MTMR12: variants seen among roughly 807,000 people sequenced by gnomAD.
The protein encoded by MTMR12 is myotubularin-related protein 12.
A neutral mutation model predicts 96.7 loss-of-function variants in MTMR12; 33 were observed. The ratio of observed to expected loss-of-function variants is 0.34; its 90% confidence interval spans 0.26 to 0.46. The LOEUF (loss-of-function observed/expected upper bound fraction) is 0.46. Ranked by LOEUF, MTMR12 falls within the 20% of genes least tolerant of loss-of-function variation. The pLI, the probability that MTMR12 is intolerant of heterozygous loss-of-function variation, is 1.00. For synonymous variants in MTMR12, 298 were observed against 327.2 expected, an observed-to-expected ratio of 0.91 and a Z score of 0.96; for missense variants, 721 against 896.1, an observed-to-expected ratio of 0.80 and a Z score of 2.49.
chr5:32,271,464 G>A (rs909529718), intron 4 of MTMR12, among the ~76,000 whole-genome samples: 4 of 152,192 alleles, frequency 2.6e-5, no homozygotes, highest in Non-Finnish European at 5.9e-5. Context: ...CTTGGCAGGA[G>A]AGGCTTGTTT....
intron 15 of MTMR12, among the ~76,000 whole-genome samples, chr5:32,231,956 G>A (rs1156281730): frequency 1.3e-5 from 2 of 152,230 alleles, no homozygotes; most frequent in South Asian, 2.1e-4. Flanking sequence ...GCAATCTGCC[G>A]AAGGCACTGC....
At chr5:32,255,058 T>A (rs1000595063) in intron 8 of MTMR12, among the ~76,000 whole-genome samples, 1 of 152,176 alleles carries the variant, frequency 6.6e-6, no homozygotes, top group Admixed American at 6.5e-5. Flanking sequence ...TCTGGGCACG[T>A]GACCCTGCTT....
At chr5:32,237,121 G>A (rs2111988974) in intron 13 of MTMR12, among the ~76,000 whole-genome samples, 1 of 152,346 alleles carries the variant, frequency 6.6e-6, no homozygotes. Context: ...GGCTCTGTGT[G>A]CCCACAGCAT....
chr5:32,248,792 G>A lies in MTMR12; in HGVS notation c.876C>T (p.Ile292=). 1 of 1,614,038 alleles carries A rather than the reference G, an allele frequency of 6.2e-7. No homozygotes were observed. Among genetic ancestry groups the A allele is most frequent in the Non-Finnish European group, 8.5e-7 (1 of 1,179,940 alleles). ...PKEQDDGILQ[I]QKSFLDGIYK... Reference sequence around the variant, plus strand: ...CTGACCCATCTAAGAAGCTCTTTTGGATTTGTAAAATGCCGTCATCCTGTT... The same window carrying A: ...CTGACCCATCTAAGAAGCTCTTTTGAATTTGTAAAATGCCGTCATCCTGTT... The change falls in exon 9 of 16, where the codon ATC becomes ATT. Residue 292 remains isoleucine (I), a synonymous_variant. Coordinates refer to ENST00000382142, the MANE Select transcript of MTMR12 (RefSeq NM_001040446.3).
chr5:32,228,580 CATATATATGTGATATAT>C lies in MTMR12; in HGVS notation c.*1181_*1197del, dbSNP rs1747845674. 9.0e-6 allele frequency: 1 copy of C among 111,662 alleles called. No homozygotes were observed. Among genetic ancestry groups the C allele is most frequent in the East Asian group, 2.5e-4 (1 of 4,034 alleles). 6.9% of individuals were successfully genotyped at this position (111,662 alleles called of 1,614,324 possible). The stretch of plus-strand genomic sequence containing the variant: ...TGATATATATATATCATATATATAT[CATATATATGTGATATAT>C]ATATATATATCATATATATGATATA... On this transcript the variant is annotated 3_prime_UTR_variant, in exon 16 of 16. Coordinates refer to ENST00000382142, the MANE Select transcript of MTMR12 (RefSeq NM_001040446.3).
At chr5:32,266,289 C>T (rs904037235) in intron 6 of MTMR12, among the ~76,000 whole-genome samples, 2 of 152,144 alleles carry the variant, frequency 1.3e-5, no homozygotes, top group African/African-American at 4.8e-5. Flanking sequence ...CCACAGAACC[C>T]GGCTTACAGC....
intron 1 of MTMR12, among the ~76,000 whole-genome samples, chr5:32,290,498 T>A (rs962258993): frequency 1.3e-5 from 2 of 152,242 alleles, no homozygotes; most frequent in Non-Finnish European, 2.9e-5. Context: ...AGTTGCTACA[T>A]TTGGCCCCTC....
intron 1 of MTMR12, among the ~76,000 whole-genome samples, chr5:32,310,288 G>A (rs150970424): frequency 6.6e-6 from 1 of 152,276 alleles, no homozygotes; most frequent in East Asian, 1.9e-4. Flanking sequence ...AAGCGACAAA[G>A]CAAGATCCTG....
intron 1 of MTMR12, among the ~76,000 whole-genome samples, chr5:32,297,174 T>C (rs1750963051): frequency 6.6e-6 from 1 of 151,542 alleles, no homozygotes; most frequent in South Asian, 2.1e-4. Flanking sequence ...TGTTTAACAA[T>C]ATAAAGTGTT....
intron 5 of MTMR12, among the ~76,000 whole-genome samples, chr5:32,269,666 T>C (rs970588078): frequency 3.3e-5 from 5 of 152,166 alleles, no homozygotes; most frequent in African/African-American, 1.2e-4. Context: ...CATAGTCTAA[T>C]TTCTCAAAAG....
Position 32,229,656 on chromosome 5 carries a change from GT to G in MTMR12, c.*121del. The G allele has an allele frequency of 1.1e-6, 1 of 909,544 alleles. No homozygotes were observed. The highest frequency in any genetic ancestry group is 2.9e-5 in the East Asian group (1 of 34,508). 56.3% of individuals were successfully genotyped at this position (909,544 alleles called of 1,614,324 possible). A position where few individuals can be genotyped will look rare whatever the true frequency, so the allele number is the denominator to read the frequency against. On this transcript the variant is annotated 3_prime_UTR_variant, in exon 16 of 16. Coordinates refer to ENST00000382142, the MANE Select transcript of MTMR12 (RefSeq NM_001040446.3). ...GCCACCTCTTTTCCCGAAGGCCCAG[GT>G]TTATTCTAACGGAGTGCCGGGCTAA...
chr5:32,233,686 T>C lies in MTMR12; in HGVS notation c.1674+87A>G. On this transcript the variant is annotated intron_variant, in intron 15 of 15. Transcript: ENST00000382142. The surrounding 1 kb of genome is among the most constrained non-coding windows in gnomAD (Gnocchi z 5.0). ...GACTGCTTCGAGGGGTAGAAAATGC[T>C]GGCAGACAGAATCCGTAAGTACCTT... 1 of 1,568,754 alleles carries C rather than the reference T, an allele frequency of 6.4e-7. No individual in the cohort carries two copies. The highest frequency in any genetic ancestry group is 8.7e-7 in the Non-Finnish European group (1 of 1,147,214).
chr5:32,305,334 AC>A (rs1184027801), intron 1 of MTMR12, among the ~76,000 whole-genome samples: 2 of 152,014 alleles, frequency 1.3e-5, no homozygotes, highest in East Asian at 3.9e-4. Context: ...TGATCCACCC[AC>A]CTCGGCCTCC....
At chr5:32,238,208 A>C (rs1406190442) in intron 13 of MTMR12, among the ~76,000 whole-genome samples, 1 of 151,330 alleles carries the variant, frequency 6.6e-6, no homozygotes, top group Non-Finnish European at 1.5e-5. Flanking sequence ...TCCAAAATCT[A>C]AAACTTTATT....
At chr5:32,266,682 G>A (rs1337298151) in intron 6 of MTMR12, among the ~76,000 whole-genome samples, 5 of 146,162 alleles carry the variant, frequency 3.4e-5, no homozygotes, top group Admixed American at 6.8e-5. Context: ...TGTGAGAGTC[G>A]TCTCAAAAAA....
At chr5:32,305,899 G>A (rs547922010) in intron 1 of MTMR12, among the ~76,000 whole-genome samples, 7 of 146,608 alleles carry the variant, frequency 4.8e-5, no homozygotes, top group East Asian at 4.0e-4. Flanking sequence ...GTGAAACTCC[G>A]TCTCAAAAAA....
rs1026921231 is a variant in MTMR12, at chr5:32,229,885, G to A, written c.2137C>T (p.Arg713Ter). Residue 713 changes from arginine (R) to a stop codon, truncating the protein, a stop_gained, in exon 16 of 16, where the codon CGA (arginine) becomes TGA (stop). Transcript: ENST00000382142. LOFTEE classifies it high-confidence loss of function. Reference sequence around the variant, plus strand: ...GGTAAGACGGGCTTAGAGGAATGTCGCTGGAGCAGAGCGAAAGGAAACAAA... The same window carrying A: ...GGTAAGACGGGCTTAGAGGAATGTCACTGGAGCAGAGCGAAAGGAAACAAA... The part of the protein sequence containing the change: ...SSLFPFALLQ[R>*]HSSKPVLPTS... 1.2e-6 allele frequency: 2 copies of A among 1,612,750 alleles called. No homozygotes were observed. Among genetic ancestry groups the A allele is most frequent in the East Asian group, 2.2e-5 (1 of 44,866 alleles).
intron 1 of MTMR12, among the ~76,000 whole-genome samples, chr5:32,301,113 G>C (rs1177742882): frequency 3.3e-5 from 5 of 152,112 alleles, no homozygotes; most frequent in South Asian, 4.1e-4. Context: ...AAGTGAACTT[G>C]AAGCTAAACT....
At chr5:32,282,337 C>T (rs1750330324) in intron 1 of MTMR12, among the ~76,000 whole-genome samples, 1 of 151,932 alleles carries the variant, frequency 6.6e-6, no homozygotes, top group Non-Finnish European at 1.5e-5. Context: ...AGGAGAATGG[C>T]GTGAGCCCGG....
Sources: allele counts gnomAD v4.1 joint callset (sites outside exome capture counted in the v4.1 genomes callset), GRCh38; gene constraint gnomAD v4.1.1; non-coding constraint Gnocchi (gnomAD v3.1); transcripts MANE v1.5; gene names NCBI Gene and HGNC (gene_info 2026-07-23, HGNC 2026-07-21).